The following JMJD1C variants were observed in gnomAD, a reference collection of about 807,000 sequenced individuals.
JMJD1C encodes jumonji domain-containing protein 1C.
In JMJD1C, 31 loss-of-function variants were observed where a neutral mutation model predicts 245.3. The observed-to-expected ratio is 0.13, with a 90% CI of 0.09 to 0.17. The LOEUF (loss-of-function observed/expected upper bound fraction) is 0.17. Among genes scored for constraint, JMJD1C ranks in the 10% least tolerant of loss-of-function variants. The pLI is 1.00. For missense variants in JMJD1C, 2,691 were observed against 3,000.2 expected (o/e 0.90, Z 2.41); for synonymous variants, 1,057 against 1,017.4 (o/e 1.04, Z -0.74).
At chr10:63,213,177 T>A in intron 8 of JMJD1C, among the ~76,000 whole-genome samples, 1 of 134,176 alleles carries the variant, frequency 7.5e-6, no homozygotes, top group South Asian at 2.3e-4. Context: ...AGAATGAGAC[T>A]CCATCTCAAA....
intron 1 of JMJD1C, among the ~76,000 whole-genome samples, chr10:63,434,073 T>A (rs995260370): frequency 1.3e-5 from 2 of 152,182 alleles, no homozygotes; most frequent in South Asian, 4.1e-4. Flanking sequence ...TCCCAAAATC[T>A]AAATTGTCAT....
chr10:63,172,382 T>C (rs989237239), intron 24 of JMJD1C, among the ~76,000 whole-genome samples: 1 of 152,176 alleles, frequency 6.6e-6, no homozygotes, highest in African/African-American at 2.4e-5. Context: ...GCCCAATACA[T>C]ATAAATTATA....
At chr10:63,181,050 A>G (rs964292783) in intron 22 of JMJD1C, among the ~76,000 whole-genome samples, 2 of 152,088 alleles carry the variant, frequency 1.3e-5, no homozygotes, top group African/African-American at 4.8e-5. Flanking sequence ...TATTTTTAAT[A>G]GAGACTGGGT....
chr10:63,430,409 T>C (rs1006676255), intron 1 of JMJD1C, among the ~76,000 whole-genome samples: 2 of 152,228 alleles, frequency 1.3e-5, no homozygotes, highest in African/African-American at 4.8e-5. Context: ...AATCATTATC[T>C]GATAAGGAAG....
chr10:63,177,053 T>G (rs1214972880), intron 23 of JMJD1C: 1 of 152,624 alleles, frequency 6.6e-6, no homozygotes, highest in African/African-American at 2.4e-5. Context: ...CTGTAACTCT[T>G]TTACTTCACA....
chr10:63,291,921 G>A (rs1035167991), intron 2 of JMJD1C, among the ~76,000 whole-genome samples: 3 of 151,974 alleles, frequency 2.0e-5, no homozygotes, highest in African/African-American at 4.8e-5. Flanking sequence ...ATAGACATGA[G>A]AAATGTGTGT....
chr10:63,208,339 T>C lies in JMJD1C; in HGVS notation c.3330A>G (p.Pro1110=). 6.2e-7 allele frequency: 1 copy of C among 1,614,130 alleles called. No homozygotes were observed. Among genetic ancestry groups the C allele is most frequent in the South Asian group, 1.1e-5 (1 of 91,078 alleles). ...CGTAAATATTTGAAACTTCTTTGGA[T>C]GGGTATGATCTTGGTGGTTCATTGA... ...SVVNEPPRSY[P]SKEVSNIYGD... Residue 1110 remains proline (P), a synonymous_variant, in exon 10 of 26, where the codon CCA becomes CCG. Coordinates refer to ENST00000399262, the MANE Select transcript of JMJD1C (RefSeq NM_032776.3).
In JMJD1C at chr10:63,305,393, T is replaced by A. The variant is rs1185088408; in HGVS notation, c.334-40629A>T. ...AAAAAAAAACAAAAAACAAAAAAGGTTGCAGTGAGCTCTAATTGTACCACT... is the reference window on the plus strand; with the variant it reads ...AAAAAAAAACAAAAAACAAAAAAGGATGCAGTGAGCTCTAATTGTACCACT... On this transcript the variant is annotated intron_variant, in intron 2 of 25. Transcript: ENST00000399262. 1.4e-5 allele frequency among the ~76,000 whole-genome samples: 2 copies of A among 138,292 alleles called. 1 individual carries two copies. The highest frequency in any genetic ancestry group is 3.1e-5 in the Non-Finnish European group (2 of 64,196). The allele number at this position is 138,292 out of a possible 152,430, so 90.7% of individuals were successfully genotyped here.
chr10:63,245,133 CAAAAAAAA>C lies in JMJD1C; in HGVS notation c.447+19510_447+19517del, dbSNP rs71025133. 9.0e-4 allele frequency among the ~76,000 whole-genome samples: 59 copies of C among 65,700 alleles called. 1 individual carries two copies. The South Asian group carries it at 0.033, about 37-fold the overall frequency. The allele number at this position is 65,700 out of a possible 152,430, so 43.1% of individuals were successfully genotyped here. A position where few individuals can be genotyped will look rare whatever the true frequency, so the allele number is the denominator to read the frequency against. ...TGGGCAACAGAGTGAGACTCTGTCT[CAAAAAAAA>C]AAAAAAAAAAAAAAAAGAGAGATTA... On this transcript the variant is annotated intron_variant, in intron 3 of 25. Transcript: ENST00000399262.
intron 2 of JMJD1C, among the ~76,000 whole-genome samples, chr10:63,337,315 G>A (rs1016890689): frequency 8.6e-5 from 13 of 150,794 alleles, no homozygotes; most frequent in African/African-American, 2.0e-4. Context: ...GGTGGCACAC[G>A]CCTGTAGTAC....
At chr10:63,454,316 G>A (rs1224528571) in intron 1 of JMJD1C, among the ~76,000 whole-genome samples, 1 of 150,358 alleles carries the variant, frequency 6.7e-6, no homozygotes, top group Non-Finnish European at 1.5e-5. Context: ...CTGGAGTGCA[G>A]TGGCATGATC....
At chr10:63,323,707 G>A (rs144053231) in intron 2 of JMJD1C, among the ~76,000 whole-genome samples, 1 of 152,258 alleles carries the variant, frequency 6.6e-6, no homozygotes, top group Admixed American at 6.5e-5. Flanking sequence ...ATGGCCTGCG[G>A]GGGCCATCTT....
At position 63,214,476 on chromosome 10, in the gene JMJD1C, C is replaced by G. The variant is rs1847735719; in HGVS notation, c.1691G>C (p.Ser564Thr). Residue 564 changes from serine (S) to threonine (T), a missense_variant, in exon 8 of 26, where the codon AGC (serine) becomes ACC (threonine). Physicochemically the swap from Ser to Thr is moderately conservative, Grantham distance 58. Coordinates refer to ENST00000399262, the MANE Select transcript of JMJD1C (RefSeq NM_032776.3). ...CACTTTAACTACATCACTGACCCAGCTCTGGTCAGAATCTTTTTTTGCTGT... is the reference window on the plus strand; with the variant it reads ...CACTTTAACTACATCACTGACCCAGGTCTGGTCAGAATCTTTTTTTGCTGT... Reference protein sequence around the residue: ...LETAKKDSDQSWVSDVVKVDL... With the variant: ...LETAKKDSDQTWVSDVVKVDL... 1 of 1,613,998 alleles carries G rather than the reference C, an allele frequency of 6.2e-7. No homozygotes were observed. The highest frequency in any genetic ancestry group is 8.5e-7 in the Non-Finnish European group (1 of 1,179,986).
intron 1 of JMJD1C, among the ~76,000 whole-genome samples, chr10:63,443,790 C>T (rs1195550380): frequency 6.6e-6 from 1 of 152,176 alleles, no homozygotes; most frequent in Non-Finnish European, 1.5e-5. Flanking sequence ...GGTGACCAGA[C>T]CATACCCTGA....
intron 1 of JMJD1C, among the ~76,000 whole-genome samples, chr10:63,414,996 G>A (rs1949719399): frequency 6.6e-6 from 1 of 150,680 alleles, no homozygotes; most frequent in Admixed American, 6.6e-5. Context: ...TTCCCAACAA[G>A]GCCTTAAAAG....
intron 1 of JMJD1C, among the ~76,000 whole-genome samples, chr10:63,381,704 TTTAAC>T (rs759331682): frequency 2.0e-5 from 3 of 152,236 alleles, no homozygotes; most frequent in Non-Finnish European, 2.9e-5. Context: ...AAATTCATTC[TTTAAC>T]TTAACATTTT....
chr10:63,426,436 G>A (rs1950444037), intron 1 of JMJD1C, among the ~76,000 whole-genome samples: 1 of 152,156 alleles, frequency 6.6e-6, no homozygotes, highest in Non-Finnish European at 1.5e-5. Flanking sequence ...ACTTTGGGAG[G>A]CCAAGGCAGG....
chr10:63,311,483 A>T (rs1195534123), intron 2 of JMJD1C, among the ~76,000 whole-genome samples: 1 of 152,156 alleles, frequency 6.6e-6, no homozygotes, highest in African/African-American at 2.4e-5. Flanking sequence ...AAAAACAATT[A>T]CTCCAACATT....
At chr10:63,354,179 A>C (rs942775169) in intron 2 of JMJD1C, among the ~76,000 whole-genome samples, 2 of 152,188 alleles carry the variant, frequency 1.3e-5, no homozygotes, top group African/African-American at 4.8e-5. Flanking sequence ...TTTAACTGCA[A>C]AGGTTAAGTA....
Sources: allele counts gnomAD v4.1 joint callset (sites outside exome capture counted in the v4.1 genomes callset), GRCh38; gene constraint gnomAD v4.1.1; transcripts MANE v1.5; gene names NCBI Gene and HGNC (gene_info 2026-07-23, HGNC 2026-07-21).